The following MUC3A variants were observed in gnomAD, a reference collection of about 807,000 sequenced individuals.
MUC3A encodes mucin 3A, cell surface associated.
In MUC3A, 109 loss-of-function variants were observed where a neutral mutation model predicts 109.0. The ratio of observed to expected loss-of-function variants is 1.00; its 90% confidence interval spans 0.86 to 1.17. The LOEUF (loss-of-function observed/expected upper bound fraction) is 1.17, where lower values mean the gene tolerates loss of function less well. MUC3A is among the 50% of genes most tolerant of loss of function. The pLI, the probability that MUC3A is intolerant of heterozygous loss-of-function variation, is 0.00. For synonymous variants in MUC3A, 1,398 were observed against 981.4 expected (o/e 1.42, Z -7.93); for missense variants, 3,537 against 2,469.4 (o/e 1.43, Z -9.16).
intron 1 of MUC3A, among the ~76,000 whole-genome samples, chr7:100,950,257 G>C (rs758865585): frequency 1.3e-5 from 2 of 152,296 alleles, no homozygotes; most frequent in African/African-American, 4.8e-5. Context: ...GTTGGTACCA[G>C]GGCCGGGGCA....
At chr7:100,964,510 C>A in intron 5 of MUC3A, 185 bp from the exon 6 acceptor site, 1 of 950,650 alleles carries the variant, frequency 1.1e-6, no homozygotes, top group Non-Finnish European at 1.5e-6. Flanking sequence ...CCTTGTCCTG[C>A]CTTCCCAGGC....
At chr7:100,949,741 G>C in intron 1 of MUC3A, 56 bp downstream of exon 1, 1 of 1,444,116 alleles carries the variant, frequency 6.9e-7, no homozygotes. Context: ...GATGTTCCAG[G>C]AAAGGGGAGG....
chr7:100,963,101 C>G (rs2116214571), intron 3 of MUC3A, 50 bp from the exon 4 acceptor site: 1 of 1,575,502 alleles, frequency 6.3e-7, no homozygotes. Context: ...TTGGTGGCTT[C>G]AGACAAAAGC....
In MUC3A at chr7:100,954,970, C is replaced by A; in HGVS notation, c.3191C>A (p.Pro1064His). 1 of 544,568 alleles carries A rather than the reference C, an allele frequency of 1.8e-6. No individual in the cohort carries two copies. The highest frequency in any genetic ancestry group is 2.7e-5 in the South Asian group (1 of 37,314). The allele number at this position is 544,568 out of a possible 1,614,324, so 33.7% of individuals were successfully genotyped here. A position where few individuals can be genotyped will look rare whatever the true frequency, so the allele number is the denominator to read the frequency against. ...MITSHTTNTTPLSTLVTTLLT... is the reference protein window; with the variant it reads ...MITSHTTNTTHLSTLVTTLLT... The stretch of plus-strand genomic sequence containing the variant: ...ACCAGTCATACCACAAACACCACCC[C>A]TCTATCCACCTTGGTGACTACACTC... The change falls in exon 2 of 12, where the codon CCT (proline) becomes CAT (histidine). Residue 1064 changes from proline (P) to histidine (H), a missense_variant. Transcript: ENST00000379458.
intron 7 of MUC3A, 151 bp from the exon 8 acceptor site, chr7:100,965,553 G>A: frequency 2.1e-6 from 3 of 1,421,122 alleles, no homozygotes; most frequent in Middle Eastern, 1.8e-4. Flanking sequence ...GCTGCGGGTG[G>A]CCTCCCCTCA....
At position 100,959,034 on chromosome 7, in the gene MUC3A, A is replaced by G. The variant is rs796650107; in HGVS notation, c.7255A>G (p.Thr2419Ala). 1.9e-6 allele frequency: 3 copies of G among 1,565,008 alleles called. No homozygotes were observed. Among genetic ancestry groups the G allele is most frequent in the African/African-American group, 3.0e-5 (2 of 66,674 alleles). Residue 2419 changes from threonine (T) to alanine (A), a missense_variant, in exon 2 of 12, where the codon ACC becomes GCC. Coordinates refer to ENST00000379458, the MANE Select transcript of MUC3A (RefSeq NM_005960.2). ...TTCTTCAATCACCACCACTGAGACT[A>G]CCTCACACAGTACTCCTGGCTTCAC... ...LTSSITTTETTSHSTPGFTSS... is the reference protein window; with the variant it reads ...LTSSITTTETASHSTPGFTSS...
At chr7:100,966,216 G>T in intron 8 of MUC3A, 170 bp from the exon 9 acceptor site, 5 of 419,346 alleles carry the variant, frequency 1.2e-5, no homozygotes, top group Non-Finnish European at 1.2e-5. Context: ...ACCTAGGGTA[G>T]AGCCCCGGCC....
chr7:100,957,422 C>A lies in MUC3A; in HGVS notation c.5643C>A (p.Thr1881=). The A allele has an allele frequency of 2.6e-6, 2 of 765,442 alleles. No individual in the cohort carries two copies. Among genetic ancestry groups the A allele is most frequent in the Non-Finnish European group, 3.6e-6 (2 of 557,140 alleles). The allele number at this position is 765,442 out of a possible 1,614,324, so 47.4% of individuals were successfully genotyped here. The change falls in exon 2 of 12, where the codon ACC becomes ACA. Residue 1881 remains threonine, a synonymous_variant. Transcript: ENST00000379458. ...SLRPTSSSLL[T]TVTATVPTTN... ...GACCCACCTCTTCCTCTCTCCTCAC[C>A]ACAGTAACAGCCACAGTTCCAACAA...
Position 100,959,434 on chromosome 7 carries a change from G to C in MUC3A, c.7655G>C (p.Arg2552Thr), listed in dbSNP as rs778648758. The change falls in exon 2 of 12, where the codon AGA (arginine) becomes ACA (threonine). Residue 2552 changes from arginine to threonine, a missense_variant. Physicochemically the swap from Arg to Thr is moderately conservative, Grantham distance 71. Coordinates refer to ENST00000379458, the MANE Select transcript of MUC3A (RefSeq NM_005960.2). Reference sequence around the variant, plus strand: ...ACCTCTCCCACCATGTCCACTGTGAGAATGACCCTCAGAATTACTGAGAAC... The same window carrying C: ...ACCTCTCCCACCATGTCCACTGTGACAATGACCCTCAGAATTACTGAGAAC... ...GTTSPTMSTV[R>T]MTLRITENTP... The C allele has an allele frequency of 1.3e-6, 2 of 1,544,522 alleles. No individual in the cohort carries two copies. Among genetic ancestry groups the C allele is most frequent in the African/African-American group, 1.4e-5 (1 of 73,152 alleles).
intron 3 of MUC3A, among the ~76,000 whole-genome samples, chr7:100,961,303 A>G (rs1158884482): frequency 6.7e-6 from 1 of 149,612 alleles, no homozygotes; most frequent in East Asian, 2.0e-4. Flanking sequence ...GCTGAAATCA[A>G]GGCGTCACCA....
rs1478895677 is a variant in MUC3A, at chr7:100,960,563, G to C, written c.8784G>C (p.Gln2928His). ...RTSETPVATT[Q>H]TPTTLTSRRT... is the part of the protein sequence containing the mutation. ...CAGAGACACCAGTGGCCACTACCCA[G>C]ACTCCTACCACCCTTACATCACGCA... The change falls in exon 2 of 12, where the codon CAG becomes CAC. Residue 2928 changes from glutamine (Q) to histidine (H), a missense_variant. Physicochemically the swap from Gln to His is conservative, Grantham distance 24. Transcript: ENST00000379458. 1 of 1,598,626 alleles carries C rather than the reference G, an allele frequency of 6.3e-7. No individual in the cohort carries two copies. Among genetic ancestry groups the C allele is most frequent in the Non-Finnish European group, 8.5e-7 (1 of 1,179,826 alleles).
rs1792220216 is a variant in MUC3A at position 100,959,128 on chromosome 7, C to A, written c.7349C>A (p.Ser2450Tyr). 2 of 1,583,880 alleles carry A rather than the reference C, an allele frequency of 1.3e-6. No homozygotes were observed. Among genetic ancestry groups the A allele is most frequent in the Non-Finnish European group, 1.7e-6 (2 of 1,174,466 alleles). Residue 2450 changes from serine (S) to tyrosine (Y), a missense_variant, in exon 2 of 12, where the codon TCC becomes TAC. By Grantham distance (144) the Ser-to-Tyr change is moderately radical. Coordinates refer to ENST00000379458, the MANE Select transcript of MUC3A (RefSeq NM_005960.2). ...TPSLSSSTIY[S>Y]TVSTSTTAIT... ...AGCCTCAGTTCTTCAACCATCTACT[C>A]CACAGTCAGCACATCCACAACTGCC...
At chr7:100,961,251 T>C (rs1487526155) in intron 3 of MUC3A, among the ~76,000 whole-genome samples, 1 of 152,312 alleles carries the variant, frequency 6.6e-6, no homozygotes. Flanking sequence ...CATTATCATG[T>C]TAGAATTCTG....
In MUC3A at chr7:100,965,305, A is replaced by G. The variant is rs776186214; in HGVS notation, c.9406A>G (p.Ile3136Val). 2 of 1,599,258 alleles carry G rather than the reference A, an allele frequency of 1.3e-6. No homozygotes were observed. Among genetic ancestry groups the G allele is most frequent in the Non-Finnish European group, 1.7e-6 (2 of 1,179,750 alleles). ...SQTLCFKPDSIKVNNNSKTEL... is the reference protein window; with the variant it reads ...SQTLCFKPDSVKVNNNSKTEL... Reference sequence around the variant, plus strand: ...AGCCCTGTGTTTTAAGCCTGACTCCATCAAGGTGAACAACAACAGCAAGAC... The same window carrying G: ...AGCCCTGTGTTTTAAGCCTGACTCCGTCAAGGTGAACAACAACAGCAAGAC... Residue 3136 changes from isoleucine to valine, a missense_variant, in exon 7 of 12, where the codon ATC (isoleucine) becomes GTC (valine). Coordinates refer to ENST00000379458, the MANE Select transcript of MUC3A (RefSeq NM_005960.2).
rs1277487540 is a variant in MUC3A at position 100,959,125 on chromosome 7, A to G, written c.7346A>G (p.Tyr2449Cys). The G allele has an allele frequency of 2.2e-6, 3 of 1,356,270 alleles. No homozygotes were observed. The highest frequency in any genetic ancestry group is 2.5e-5 in the Admixed American group (1 of 40,288). 84.0% of individuals were successfully genotyped at this position (1,356,270 alleles called of 1,614,324 possible). The change falls in exon 2 of 12, where the codon TAC becomes TGC. Residue 2449 changes from tyrosine to cysteine, a missense_variant. Physicochemically the swap from Tyr to Cys is radical, Grantham distance 194. Coordinates refer to ENST00000379458, the MANE Select transcript of MUC3A (RefSeq NM_005960.2). Reference protein sequence around the residue: ...STPSLSSSTIYSTVSTSTTAI... With the variant: ...STPSLSSSTICSTVSTSTTAI... The stretch of plus-strand genomic sequence containing the variant: ...CCCAGCCTCAGTTCTTCAACCATCT[A>G]CTCCACAGTCAGCACATCCACAACT...
intron 8 of MUC3A, 116 bp from the exon 9 acceptor site, chr7:100,966,270 C>T (rs1230064954): frequency 6.4e-5 from 56 of 878,544 alleles, no homozygotes; most frequent in Middle Eastern, 3.9e-4. Flanking sequence ...TAGGGTGGAA[C>T]CCCCCGCTGC....
Position 100,960,054 on chromosome 7 carries a change from T to C in MUC3A, c.8275T>C (p.Ser2759Pro). 1 of 1,510,030 alleles carries C rather than the reference T, an allele frequency of 6.6e-7. No homozygotes were observed. The highest frequency in any genetic ancestry group is 8.8e-7 in the Non-Finnish European group (1 of 1,140,284). The allele number at this position is 1,510,030 out of a possible 1,614,324, so 93.5% of individuals were successfully genotyped here. Reference sequence around the variant, plus strand: ...AGCTCTCACTGAAATAACCCCCTTTTCTTATATTTCCCTTCCCTCCACCAC... The same window carrying C: ...AGCTCTCACTGAAATAACCCCCTTTCCTTATATTTCCCTTCCCTCCACCAC... ...TTALTEITPF[S>P]YISLPSTTPC... The change falls in exon 2 of 12, where the codon TCT becomes CCT. Residue 2759 changes from serine (S) to proline (P), a missense_variant. Physicochemically the swap from Ser to Pro is moderately conservative, Grantham distance 74 (BLOSUM62 -1). Transcript: ENST00000379458.
chr7:100,959,562 GCACC>G lies in MUC3A; in HGVS notation c.7784_7787del (p.Ala2595ValfsTer25). The G allele has an allele frequency of 6.3e-7, 1 of 1,593,386 alleles. No individual in the cohort carries two copies. Among genetic ancestry groups the G allele is most frequent in the Non-Finnish European group, 8.5e-7 (1 of 1,177,244 alleles). ...AGCCACTGGGACCCAAACATCTCCT[GCACC>G]TACTACTGTCACCTTTGGAAGTACG... is the stretch of plus-strand genomic sequence containing the variant. On this transcript the variant is annotated frameshift_variant, in exon 2 of 12. Coordinates refer to ENST00000379458, the MANE Select transcript of MUC3A (RefSeq NM_005960.2). LOFTEE classifies it high-confidence loss of function.
At position 100,952,192 on chromosome 7, in the gene MUC3A, T is replaced by A. The variant is rs1462451745; in HGVS notation, c.413T>A (p.Ile138Asn). ...CVYPTSFIIT[I>N]SHPTSICVTT... is the part of the protein sequence containing the mutation. ...TATCCAACGAGCTTTATAATCACCA[T>A]CTCCCACCCCACCTCCATCTGTGTG... The change falls in exon 2 of 12, where the codon ATC (isoleucine) becomes AAC (asparagine). Residue 138 changes from isoleucine to asparagine, a missense_variant. Physicochemically the swap from Ile to Asn is moderately radical, Grantham distance 149. Transcript: ENST00000379458. 10 of 1,598,534 alleles carry A rather than the reference T, an allele frequency of 6.3e-6. No homozygotes were observed. The highest frequency in any genetic ancestry group is 7.6e-6 in the Non-Finnish European group (9 of 1,179,774).
Sources: allele counts gnomAD v4.1 joint callset (sites outside exome capture counted in the v4.1 genomes callset), GRCh38; gene constraint gnomAD v4.1.1; transcripts MANE v1.5; gene names NCBI Gene and HGNC (gene_info 2026-07-23, HGNC 2026-07-21).